Variants in GALNT17 observed in about 807,000 individuals in gnomAD.
GALNT17 encodes UDP-GalNAc:polypeptide N-acetylgalactosaminyltransferase-like 3.
A neutral mutation model predicts 63.7 loss-of-function variants in GALNT17; 29 were observed. That is an observed-to-expected ratio of 0.46 (90% CI 0.34 to 0.62). The LOEUF (loss-of-function observed/expected upper bound fraction) is 0.62. GALNT17 is among the 20% of genes least tolerant of loss of function. GALNT17 has a pLI of 0.01. For synonymous variants in GALNT17, 305 were observed against 318.3 expected (o/e 0.96, Z 0.45); for missense variants, 603 against 799.6 (o/e 0.75, Z 2.97).
rs147225731 is a variant in GALNT17, at chr7:71,574,424, G to T, written c.1080+3022G>T. 3.5e-3 allele frequency among the ~76,000 whole-genome samples: 536 copies of T among 152,270 alleles called. 8 individuals carry two copies. Among genetic ancestry groups the T allele is most frequent in the African/African-American group, 0.012 (511 of 41,548 alleles). On this transcript the variant is annotated intron_variant, in intron 6 of 10. Coordinates refer to ENST00000333538, the MANE Select transcript of GALNT17 (RefSeq NM_022479.3). The stretch of plus-strand genomic sequence containing the variant: ...AGGGTCATAGATGTCACTCCAGAGT[G>T]CAATTACCTGCCTCTTACAGTACTT...
chr7:71,230,979 C>G (rs1000528219), intron 1 of GALNT17, among the ~76,000 whole-genome samples: 1 of 152,028 alleles, frequency 6.6e-6, no homozygotes. Context: ...TGAACAAGCC[C>G]TCTGGGTAAT....
chr7:71,670,317 A>G (rs1467721261), intron 8 of GALNT17, among the ~76,000 whole-genome samples: 1 of 152,178 alleles, frequency 6.6e-6, no homozygotes, highest in African/African-American at 2.4e-5. Context: ...ATAAAAGACT[A>G]TGATAGTCTA....
chr7:71,648,857 C>T (rs895325215), intron 6 of GALNT17, among the ~76,000 whole-genome samples: 2 of 152,216 alleles, frequency 1.3e-5, no homozygotes, highest in African/African-American at 4.8e-5. Flanking sequence ...TTGATTTCAA[C>T]TCAACCAAGA....
intron 2 of GALNT17, among the ~76,000 whole-genome samples, chr7:71,375,343 A>G (rs1310868095): frequency 6.6e-6 from 1 of 152,146 alleles, no homozygotes; most frequent in Non-Finnish European, 1.5e-5. Context: ...TTGCAGGGTA[A>G]CAACTTTTAG....
At chr7:71,711,896 T>C (rs1161052480) in intron 10 of GALNT17, 122 bp from the exon 11 acceptor site, 35 of 1,106,630 alleles carry the variant, frequency 3.2e-5, no homozygotes, top group Non-Finnish European at 4.3e-5. Flanking sequence ...CTTTCTCTTC[T>C]CTTTTTCTTT....
chr7:71,230,005 T>C (rs1789758437), intron 1 of GALNT17, among the ~76,000 whole-genome samples: 1 of 152,090 alleles, frequency 6.6e-6, no homozygotes, highest in Non-Finnish European at 1.5e-5. Context: ...GAAAACATGG[T>C]GCTGAGCATG....
At chr7:71,142,679 G>A (rs775794932) in intron 1 of GALNT17, among the ~76,000 whole-genome samples, 8 of 152,188 alleles carry the variant, frequency 5.3e-5, no homozygotes, top group Non-Finnish European at 8.8e-5. Flanking sequence ...GGTGGCTCAC[G>A]CCTGTAATCC....
At position 71,665,400 on chromosome 7, in the gene GALNT17, T is replaced by C; in HGVS notation, c.1081-11T>C. 1 of 1,591,078 alleles carries C rather than the reference T, an allele frequency of 6.3e-7. No homozygotes were observed. Among genetic ancestry groups the C allele is most frequent in the Non-Finnish European group, 8.5e-7 (1 of 1,172,308 alleles). On this transcript the variant is annotated splice_polypyrimidine_tract_variant and intron_variant, in intron 6 of 10. Transcript: ENST00000333538. ...TTCTTTTTCAGGCTGATGAAATCTT[T>C]GTACCCCTAGGTATGGCTCTGTGGG...
chr7:71,454,383 T>A (rs1651434124), intron 5 of GALNT17, among the ~76,000 whole-genome samples: 1 of 152,234 alleles, frequency 6.6e-6, no homozygotes, highest in Admixed American at 6.5e-5. Flanking sequence ...TTCATACATG[T>A]CACTCCAAAG....
At chr7:71,435,872 T>A (rs1786951131) in intron 5 of GALNT17, among the ~76,000 whole-genome samples, 1 of 151,694 alleles carries the variant, frequency 6.6e-6, no homozygotes. Flanking sequence ...ACAAAATAAT[T>A]AGCAGGGCGT....
intron 2 of GALNT17, among the ~76,000 whole-genome samples, chr7:71,351,790 C>T (rs1055163273): frequency 2.6e-5 from 4 of 152,250 alleles, no homozygotes; most frequent in African/African-American, 9.6e-5. Context: ...TTTTGTGGTA[C>T]TTTGCTATGG....
intron 3 of GALNT17, among the ~76,000 whole-genome samples, chr7:71,396,483 A>G (rs917919324): frequency 5.9e-5 from 9 of 152,120 alleles, no homozygotes; most frequent in South Asian, 2.1e-4. Context: ...TTATGTGTCT[A>G]TGCTTATGGC....
At chr7:71,306,948 C>T (rs1203631347) in intron 1 of GALNT17, among the ~76,000 whole-genome samples, 4 of 152,232 alleles carry the variant, frequency 2.6e-5, no homozygotes, top group East Asian at 3.9e-4. Context: ...CTCAGCCTCC[C>T]GAGTACCTGG....
chr7:71,397,647 G>T (rs956048905), intron 3 of GALNT17, among the ~76,000 whole-genome samples: 1 of 152,186 alleles, frequency 6.6e-6, no homozygotes, highest in Non-Finnish European at 1.5e-5. Context: ...TATGGAGGTT[G>T]GCCTCTGTGG....
chr7:71,371,561 A>C (rs1330323931), intron 2 of GALNT17, among the ~76,000 whole-genome samples: 1 of 152,150 alleles, frequency 6.6e-6, no homozygotes, highest in Non-Finnish European at 1.5e-5. Context: ...GCTGTAAATG[A>C]CTTTTTTGCA....
intron 9 of GALNT17, among the ~76,000 whole-genome samples, chr7:71,686,544 C>CT (rs888884951): frequency 6.9e-5 from 4 of 58,244 alleles, no homozygotes; most frequent in East Asian, 6.7e-4. Flanking sequence ...CCATACCAGG[C>CT]TTTTTTATTT....
intron 5 of GALNT17, among the ~76,000 whole-genome samples, chr7:71,472,615 G>A (rs901060589): frequency 2.0e-5 from 3 of 152,216 alleles, no homozygotes; most frequent in African/African-American, 7.2e-5. Context: ...GAACCCAGGA[G>A]GCAGAGGTTT....
chr7:71,518,520 G>T (rs988852599), intron 5 of GALNT17, among the ~76,000 whole-genome samples: 3 of 152,148 alleles, frequency 2.0e-5, no homozygotes, highest in Non-Finnish European at 2.9e-5. Context: ...CATTAATCAC[G>T]CAAGAGACAC....
At chr7:71,288,448 C>T (rs191312186) in intron 1 of GALNT17, among the ~76,000 whole-genome samples, 6 of 152,134 alleles carry the variant, frequency 3.9e-5, no homozygotes, top group Non-Finnish European at 8.8e-5. Context: ...GTTACCTGTC[C>T]TTTCTGGCAT....
Sources: allele counts gnomAD v4.1 joint callset (sites outside exome capture counted in the v4.1 genomes callset), GRCh38; gene constraint gnomAD v4.1.1; transcripts MANE v1.5; gene names NCBI Gene and HGNC (gene_info 2026-07-23, HGNC 2026-07-21).